The following FBXO11 variants were observed in gnomAD, a reference collection of about 807,000 sequenced individuals.
The protein encoded by FBXO11 is F-box protein 11, also known as F-box only protein 11.
Under a neutral mutation model 117.0 loss-of-function variants are expected in FBXO11, and 13 were observed. That is an observed-to-expected ratio of 0.11 (90% confidence interval 0.07 to 0.18). The LOEUF is 0.18. Ranked by LOEUF, FBXO11 falls within the 10% of genes least tolerant of loss-of-function variation. The pLI, the probability that FBXO11 is intolerant of heterozygous loss-of-function variation, is 1.00. For missense variants in FBXO11, 767 were observed against 1,164.4 expected, an observed-to-expected ratio of 0.66 and a Z score of 4.97; for synonymous variants, 490 against 380.5, an observed-to-expected ratio of 1.29 and a Z score of -3.35.
intron 1 of FBXO11, among the ~76,000 whole-genome samples, chr2:47,874,542 A>G (rs568202438): frequency 6.6e-6 from 1 of 152,264 alleles, no homozygotes; most frequent in East Asian, 1.9e-4. Flanking sequence ...TTTAAAAAAA[A>G]AAACAATTTT....
At chr2:47,843,703 C>T (rs1288429364) in intron 1 of FBXO11, among the ~76,000 whole-genome samples, 1 of 151,910 alleles carries the variant, frequency 6.6e-6, no homozygotes, top group African/African-American at 2.4e-5. Flanking sequence ...CAATTTCTTA[C>T]TTTTATGGAT....
At chr2:47,900,605 T>TACACGTGTGTATATAC (rs1558486258) in intron 1 of FBXO11, among the ~76,000 whole-genome samples, 1 of 112,204 alleles carries the variant, frequency 8.9e-6, no homozygotes, top group Non-Finnish European at 2.1e-5. Flanking sequence ...TACACACGTA[T>TACACGTGTGTATATAC]ACACACGTAT....
chr2:47,886,537 A>G (rs928365356), intron 1 of FBXO11, among the ~76,000 whole-genome samples: 1 of 152,108 alleles, frequency 6.6e-6, no homozygotes, highest in South Asian at 2.1e-4. Flanking sequence ...TTCTACTAAA[A>G]TTGTGATATA....
intron 1 of FBXO11, among the ~76,000 whole-genome samples, chr2:47,859,566 A>G (rs1339712986): frequency 6.6e-6 from 1 of 152,236 alleles, no homozygotes; most frequent in East Asian, 1.9e-4. Flanking sequence ...AGACCTCAAG[A>G]AAGATTCTCT....
intron 1 of FBXO11, among the ~76,000 whole-genome samples, chr2:47,840,411 G>A (rs1032301258): frequency 3.3e-5 from 5 of 151,330 alleles, no homozygotes; most frequent in Admixed American, 3.3e-4. Context: ...TACCAGGTAG[G>A]TTAAAAAGGG....
chr2:47,894,765 T>G (rs1285903517), intron 1 of FBXO11, among the ~76,000 whole-genome samples: 1 of 152,200 alleles, frequency 6.6e-6, no homozygotes, highest in Admixed American at 6.5e-5. Flanking sequence ...CAATCAAATC[T>G]GTGGATAAAA....
At chr2:47,825,409 C>G (rs1031943514) in intron 11 of FBXO11, among the ~76,000 whole-genome samples, 2 of 151,488 alleles carry the variant, frequency 1.3e-5, no homozygotes, top group Non-Finnish European at 2.9e-5. Flanking sequence ...GCAAAACTGA[C>G]CATCAAAAAA....
chr2:47,857,581 G>A (rs557530338), intron 1 of FBXO11, among the ~76,000 whole-genome samples: 1 of 152,252 alleles, frequency 6.6e-6, no homozygotes, highest in Admixed American at 6.5e-5. Flanking sequence ...TAATCATGGG[G>A]GGTAGATTTC....
intron 16 of FBXO11, 54 bp downstream of exon 16, chr2:47,818,724 AC>A: frequency 1.6e-6 from 2 of 1,229,522 alleles, no homozygotes; most frequent in Non-Finnish European, 2.3e-6. Flanking sequence ...TCTTTTACAC[AC>A]CCCACATACT....
intron 1 of FBXO11, among the ~76,000 whole-genome samples, chr2:47,881,322 G>C (rs113146107): frequency 1.3e-5 from 2 of 152,106 alleles, no homozygotes; most frequent in African/African-American, 2.4e-5. Flanking sequence ...GGTTATATAA[G>C]AATTTTTTTT....
intron 1 of FBXO11, among the ~76,000 whole-genome samples, chr2:47,849,838 T>C (rs966833306): frequency 2.6e-5 from 4 of 152,248 alleles, no homozygotes; most frequent in African/African-American, 4.8e-5. Flanking sequence ...CTGCTCCATA[T>C]GTATGGCTAT....
At position 47,808,358 on chromosome 2, in the gene FBXO11, T is replaced by C; in HGVS notation, c.2625A>G (p.Gly875=). The change falls in exon 22 of 23, where the codon GGA becomes GGG. Residue 875 remains glycine, a synonymous_variant. Coordinates refer to ENST00000403359, the MANE Select transcript of FBXO11 (RefSeq NM_001190274.2). ...CVNCIKKCHQ[G]HDVEFIRHDR... ...CATGTCTAATAAACTCTACATCATGTCCCTGATGGCACTTCTTAATGCAGT... is the reference window on the plus strand; with the variant it reads ...CATGTCTAATAAACTCTACATCATGCCCCTGATGGCACTTCTTAATGCAGT... 2 of 1,612,470 alleles carry C rather than the reference T, an allele frequency of 1.2e-6. No homozygotes were observed. Among genetic ancestry groups the C allele is most frequent in the Non-Finnish European group, 1.7e-6 (2 of 1,179,086 alleles).
intron 1 of FBXO11, among the ~76,000 whole-genome samples, chr2:47,886,444 T>G (rs903624081): frequency 1.3e-5 from 2 of 149,672 alleles, no homozygotes; most frequent in South Asian, 4.2e-4. Flanking sequence ...AGGTGGAGGT[T>G]GCAGTGAGCT....
intron 1 of FBXO11, among the ~76,000 whole-genome samples, chr2:47,853,781 G>C (rs1329463368): frequency 1.3e-5 from 2 of 152,154 alleles, no homozygotes; most frequent in African/African-American, 4.8e-5. Context: ...TCATAATTGA[G>C]ATGGGATACT....
intron 1 of FBXO11, among the ~76,000 whole-genome samples, chr2:47,864,915 T>C (rs912439043): frequency 6.6e-6 from 1 of 152,226 alleles, no homozygotes; most frequent in East Asian, 1.9e-4. Flanking sequence ...AACAATACTT[T>C]AAGTAAAATA....
At chr2:47,828,107 G>A (rs548684989) in intron 11 of FBXO11, among the ~76,000 whole-genome samples, 4 of 152,200 alleles carry the variant, frequency 2.6e-5, no homozygotes, top group South Asian at 4.1e-4. Flanking sequence ...AGCCTTCCAA[G>A]TAGCTAGGAT....
In FBXO11 at chr2:47,905,504, T is replaced by C. The variant is rs1343785656; in HGVS notation, c.217A>G (p.Asn73Asp). 1.1e-5 allele frequency: 13 copies of C among 1,232,014 alleles called. No individual in the cohort carries two copies. Among genetic ancestry groups the C allele is most frequent in the South Asian group, 3.6e-5 (1 of 28,138 alleles). The allele number at this position is 1,232,014 out of a possible 1,614,324, so 76.3% of individuals were successfully genotyped here. The change falls in exon 1 of 23, where the codon AAC (asparagine) becomes GAC (aspartate). Residue 73 changes from asparagine to aspartate, a missense_variant. Physicochemically the swap from Asn to Asp is conservative, Grantham distance 23. This residue lies in a region of FBXO11 where 355 missense variants were observed against 299.8 expected (regional missense o/e 1.18). Coordinates refer to ENST00000403359, the MANE Select transcript of FBXO11 (RefSeq NM_001190274.2). ...GCGGCCTTACCCCGCTCGCCGACGT[T>C]GTTCCGCTCCTGAGGCAGCGGCGGA... ...PPPPLPQERNNVGERDDDVPA... is the reference protein window; with the variant it reads ...PPPPLPQERNDVGERDDDVPA...
intron 1 of FBXO11, among the ~76,000 whole-genome samples, chr2:47,904,896 G>A (rs1385783202): frequency 6.6e-6 from 1 of 151,994 alleles, no homozygotes; most frequent in Non-Finnish European, 1.5e-5. Flanking sequence ...TGGGAGAGGA[G>A]TCGCTGCTCC....
rs181481575 is a variant in FBXO11 at position 47,851,425 on chromosome 2, C to T, written c.233-11656G>A. Among the ~76,000 whole-genome samples, 21 of 152,224 alleles carry T rather than the reference C, an allele frequency of 1.4e-4. No individual in the cohort carries two copies. The East Asian group carries it at 4.1e-3, about 29-fold the overall frequency. On this transcript the variant is annotated intron_variant, in intron 1 of 22. Transcript: ENST00000403359. ...TTTGTATTTAGTAGAGATGGGGTTT[C>T]ACTATGCTGGCCAGGCTGGTCTCGA...
Sources: gnomAD v4.1 joint callset for allele counts (sites outside exome capture counted in the v4.1 genomes callset) on GRCh38, gnomAD v4.1.1 for gene constraint, gnomAD v4.1.1 regional missense constraint, MANE v1.5 for transcripts, NCBI Gene and HGNC (gene_info 2026-07-23, HGNC 2026-07-21) for gene names.